DNAH6: variants seen among roughly 807,000 people sequenced by gnomAD.
The protein encoded by DNAH6 is axonemal beta dynein heavy chain 6.
Under a neutral mutation model 491.4 loss-of-function variants are expected in DNAH6, and 340 were observed. The ratio of observed to expected loss-of-function variants is 0.69; its 90% CI spans 0.63 to 0.76. The LOEUF is 0.76. Ranked by LOEUF, DNAH6 falls within the 30% of genes least tolerant of loss-of-function variation. DNAH6 has a pLI of 0.00. For missense variants in DNAH6, 4,443 were observed against 4,972.2 expected, an observed-to-expected ratio of 0.89 and a Z score of 3.20; for synonymous variants, 1,603 against 1,686.1, an observed-to-expected ratio of 0.95 and a Z score of 1.21.
rs374162124 is a variant in DNAH6 at position 84,815,957 on chromosome 2, G to A, written c.12247G>A (p.Gly4083Arg). 44 of 1,551,688 alleles carry A rather than the reference G, an allele frequency of 2.8e-5. No individual in the cohort carries two copies. Among genetic ancestry groups the A allele is most frequent in the Admixed American group, 9.8e-5 (5 of 50,970 alleles). The change falls in exon 76 of 77, where the codon GGA becomes AGA. Residue 4083 changes from glycine to arginine, a missense_variant. This residue lies in a region of DNAH6 where 1,463 missense variants were observed against 1,656.6 expected (regional missense o/e 0.88). Transcript: ENST00000389394. ...GATGGTGATAGAAGATGCATTGCCC[G>A]GACAGATGAATCCAGTGCTGCCTGT... ...KEMVIEDALP[G>R]QMNPVLPVVH...
intron 13 of DNAH6, among the ~76,000 whole-genome samples, chr2:84,578,702 G>A (rs755264407): frequency 2.4e-4 from 37 of 152,302 alleles, no homozygotes; most frequent in Admixed American, 6.5e-4. Context: ...TTATCTGATT[G>A]AATCAACTAA....
Position 84,714,249 on chromosome 2 carries a change from A to G in DNAH6, c.9543+990A>G, listed in dbSNP as rs138088360. 3.9e-5 allele frequency among the ~76,000 whole-genome samples: 6 copies of G among 152,362 alleles called. No homozygotes were observed. In the East Asian group the frequency reaches 7.7e-4, roughly 20 times the overall value. On this transcript the variant is annotated intron_variant, in intron 57 of 76. Transcript: ENST00000389394. ...TTTCATTTTAGCTGTTGAATTGCTC[A>G]TAGCTATCTGTCTTCACCAGATGTG...
At chr2:84,659,564 C>T (rs987827048) in intron 37 of DNAH6, among the ~76,000 whole-genome samples, 5 of 152,052 alleles carry the variant, frequency 3.3e-5, no homozygotes, top group African/African-American at 1.2e-4. Flanking sequence ...ATGAATTTCT[C>T]ACTGTTAGAG....
At chr2:84,557,656 CAA>C (rs10660724) in intron 10 of DNAH6, 77 bp from the exon 11 acceptor site, 1,608 of 65,016 alleles carry the variant, frequency 0.025, 7 homozygotes, top group African/African-American at 0.088. Flanking sequence ...GACTCCGTCT[CAA>C]AAAAAAAAAA....
At chr2:84,735,692 CTA>C (rs1475054536) in intron 62 of DNAH6, among the ~76,000 whole-genome samples, 2 of 152,094 alleles carry the variant, frequency 1.3e-5, no homozygotes, top group Non-Finnish European at 2.9e-5. Context: ...AGAGAAGTGT[CTA>C]TTCATGTTCT....
chr2:84,468,234 A>G, the DNAH6 span, among the ~76,000 whole-genome samples: 1 of 152,228 alleles, frequency 6.6e-6, no homozygotes, highest in African/African-American at 2.4e-5. Flanking sequence ...TTTTTTATAT[A>G]AACATTACAC....
chr2:84,812,057 T>C (rs1346284319), intron 72 of DNAH6, among the ~76,000 whole-genome samples: 1 of 152,140 alleles, frequency 6.6e-6, no homozygotes, highest in Admixed American at 6.5e-5. Context: ...GTGGCATTTC[T>C]CCCAGCCACT....
chr2:84,627,248 C>T (rs1238795120), intron 29 of DNAH6, among the ~76,000 whole-genome samples: 1 of 152,158 alleles, frequency 6.6e-6, no homozygotes, highest in Non-Finnish European at 1.5e-5. Context: ...GATTTCAGGA[C>T]CACTGTTCTA....
intron 64 of DNAH6, among the ~76,000 whole-genome samples, chr2:84,767,063 C>T (rs546675123): frequency 6.6e-5 from 10 of 152,024 alleles, no homozygotes; most frequent in African/African-American, 1.7e-4. Flanking sequence ...AAGAGAACCC[C>T]GGACTACATG....
At position 84,624,954 on chromosome 2, in the gene DNAH6, C is replaced by T. The variant is rs1262059975; in HGVS notation, c.4406C>T (p.Ala1469Val). Residue 1469 changes from alanine to valine, a missense_variant, in exon 29 of 77, where the codon GCA (alanine) becomes GTA (valine). This residue lies in a region of DNAH6 where 2,977 missense variants were observed against 3,296.6 expected (regional missense o/e 0.90). Coordinates refer to ENST00000389394, the MANE Select transcript of DNAH6 (RefSeq NM_001370.2). ...MGALQLDLGG[A>V]PAGPAGTGKT... ...GCTTTGCAGCTTGACCTTGGGGGTG[C>T]ACCAGCTGGTCCTGCTGGCACTGGG... The T allele has an allele frequency of 5.2e-6, 8 of 1,551,512 alleles. No individual in the cohort carries two copies. In the South Asian group the frequency reaches 9.5e-5, roughly 18 times the overall value.
Position 84,701,091 on chromosome 2 carries a change from T to A in DNAH6, c.7819-6T>A, listed in dbSNP as rs1352092036. The stretch of plus-strand genomic sequence containing the variant: ...CAGATTTTCTAGATTTTTCCTTGAT[T>A]CACAGTGGCCCAGAGAAGCACTTCT... On this transcript the variant is annotated splice_region_variant and splice_polypyrimidine_tract_variant and intron_variant, in intron 48 of 76. Transcript: ENST00000389394. 1 of 1,547,430 alleles carries A rather than the reference T, an allele frequency of 6.5e-7. No homozygotes were observed. The highest frequency in any genetic ancestry group is 1.2e-5 in the South Asian group (1 of 84,002).
the DNAH6 span, among the ~76,000 whole-genome samples, chr2:84,478,760 C>T: frequency 1.3e-5 from 2 of 152,122 alleles, no homozygotes; most frequent in East Asian, 3.9e-4. Context: ...TTGGCCAAAA[C>T]CCTTAGAATT....
rs6708769 is a variant in DNAH6 at position 84,596,809 on chromosome 2, G to A, written c.2868+1020G>A. Among the ~76,000 whole-genome samples the A allele has an allele frequency of 4.8e-3, 729 of 152,250 alleles. 3 individuals carry two copies. The highest frequency in any genetic ancestry group is 0.016 in the African/African-American group (684 of 41,540). On this transcript the variant is annotated intron_variant, in intron 18 of 76. Coordinates refer to ENST00000389394, the MANE Select transcript of DNAH6 (RefSeq NM_001370.2). The stretch of plus-strand genomic sequence containing the variant: ...ATATCTAGTCAAAACACTTTCCCAA[G>A]TTGTTTAGGTCAGCTTCTTTCTTTA...
chr2:84,481,658 C>G, the DNAH6 span, among the ~76,000 whole-genome samples: 2 of 152,182 alleles, frequency 1.3e-5, no homozygotes, highest in African/African-American at 4.8e-5. Flanking sequence ...GCTGCAAACA[C>G]CAAGGAGGTC....
chr2:84,796,063 TAG>T (rs1388912218), intron 68 of DNAH6, among the ~76,000 whole-genome samples: 4 of 152,216 alleles, frequency 2.6e-5, no homozygotes, highest in Non-Finnish European at 4.4e-5. Context: ...TCAGTGGCTT[TAG>T]TCTCTGAAAA....
intron 42 of DNAH6, among the ~76,000 whole-genome samples, chr2:84,681,963 C>A (rs1397695269): frequency 6.6e-6 from 1 of 151,722 alleles, no homozygotes; most frequent in Non-Finnish European, 1.5e-5. Flanking sequence ...TGGATCATGC[C>A]TAATGGCATA....
At chr2:84,580,180 A>G (rs1682865488) in intron 14 of DNAH6, among the ~76,000 whole-genome samples, 2 of 152,324 alleles carry the variant, frequency 1.3e-5, no homozygotes, top group African/African-American at 4.8e-5. Context: ...ACTTACTGTT[A>G]AGAATGAAAG....
chr2:84,733,293 C>A, intron 61 of DNAH6, 151 bp from the exon 62 acceptor site: 1 of 637,198 alleles, frequency 1.6e-6, no homozygotes, highest in Non-Finnish European at 2.7e-6. Flanking sequence ...ATTGATTCAA[C>A]ACCATTTCTA....
At chr2:84,778,568 T>C (rs1676377497) in intron 64 of DNAH6, among the ~76,000 whole-genome samples, 1 of 151,958 alleles carries the variant, frequency 6.6e-6, no homozygotes, top group Admixed American at 6.6e-5. Context: ...GGAGTGATCA[T>C]GGCTCACTGC....
Sources: gnomAD v4.1 joint callset for allele counts (sites outside exome capture counted in the v4.1 genomes callset) on GRCh38, gnomAD v4.1.1 for gene constraint, gnomAD v4.1.1 regional missense constraint, MANE v1.5 for transcripts, NCBI Gene and HGNC (gene_info 2026-07-23, HGNC 2026-07-21) for gene names.